Variants in TAFA1 observed in about 807,000 individuals in gnomAD.
TAFA1 encodes TAFA chemokine like family member 1, also known as chemokine-like protein TAFA-1.
A neutral mutation model predicts 18.5 loss-of-function variants in TAFA1; 4 were observed. The observed-to-expected ratio is 0.22, with a 90% confidence interval of 0.11 to 0.49. The LOEUF (loss-of-function observed/expected upper bound fraction) is 0.49, where lower values mean the gene tolerates loss of function less well. Ranked by LOEUF, TAFA1 falls within the 20% of genes least tolerant of loss-of-function variation. The pLI is 0.98. For synonymous variants in TAFA1, 56 were observed against 55.2 expected (o/e 1.01, Z -0.06); for missense variants, 147 against 169.0 (o/e 0.87, Z 0.72).
At chr3:68,195,446 G>A (rs1184340071) in intron 2 of TAFA1, among the ~76,000 whole-genome samples, 1 of 150,118 alleles carries the variant, frequency 6.7e-6, no homozygotes, top group African/African-American at 2.5e-5. Context: ...TCGACATTAT[G>A]ACCATTCTGT....
intron 3 of TAFA1, among the ~76,000 whole-genome samples, chr3:68,486,373 A>G (rs2072340328): frequency 6.6e-6 from 1 of 152,132 alleles, no homozygotes; most frequent in Admixed American, 6.5e-5. Context: ...CTGTGGTCTG[A>G]AACATGACCA....
chr3:68,540,242 A>G (rs1273889565), intron 4 of TAFA1, among the ~76,000 whole-genome samples: 1 of 152,144 alleles, frequency 6.6e-6, no homozygotes, highest in Non-Finnish European at 1.5e-5. Flanking sequence ...GTAAATGGCT[A>G]TACATTTCCG....
chr3:68,111,846 A>G (rs369466795), intron 2 of TAFA1, among the ~76,000 whole-genome samples: 23 of 152,114 alleles, frequency 1.5e-4, no homozygotes, highest in African/African-American at 5.3e-4. Context: ...TTGTTAGGAC[A>G]TTAGTAGTAT....
chr3:68,459,462 A>C (rs1259672577), intron 3 of TAFA1, among the ~76,000 whole-genome samples: 2 of 148,168 alleles, frequency 1.3e-5, no homozygotes, highest in African/African-American at 5.1e-5. Context: ...ATTTTAAAGA[A>C]ATGCTATTTT....
chr3:68,195,955 G>A (rs563872275), intron 2 of TAFA1, among the ~76,000 whole-genome samples: 1 of 151,600 alleles, frequency 6.6e-6, no homozygotes, highest in African/African-American at 2.4e-5. Flanking sequence ...CACTTATAAT[G>A]TACATATCTA....
intron 3 of TAFA1, among the ~76,000 whole-genome samples, chr3:68,448,588 T>C (rs1346754179): frequency 6.6e-6 from 1 of 152,064 alleles, no homozygotes. Flanking sequence ...AGTTAAAGGT[T>C]AATGGAAGGA....
intron 2 of TAFA1, among the ~76,000 whole-genome samples, chr3:68,089,813 T>G: frequency 6.6e-6 from 1 of 152,280 alleles, no homozygotes; most frequent in Middle Eastern, 3.4e-3. Flanking sequence ...GGGCTAGGTC[T>G]TGTTAGGAAT....
intron 3 of TAFA1, among the ~76,000 whole-genome samples, chr3:68,463,869 G>A (rs2071832748): frequency 6.6e-6 from 1 of 152,042 alleles, no homozygotes; most frequent in African/African-American, 2.4e-5. Flanking sequence ...CAGCCATCTT[G>A]AGTAAAATGG....
chr3:68,064,838 C>T (rs1428666068), intron 2 of TAFA1, among the ~76,000 whole-genome samples: 2 of 151,876 alleles, frequency 1.3e-5, no homozygotes, highest in Non-Finnish European at 2.9e-5. Flanking sequence ...GATGCAAGCT[C>T]TAGGAATCTT....
chr3:68,076,149 C>T (rs2106760509), intron 2 of TAFA1, among the ~76,000 whole-genome samples: 1 of 152,214 alleles, frequency 6.6e-6, no homozygotes, highest in African/African-American at 2.4e-5. Context: ...AATGGAAAGG[C>T]AAAGACCTGA....
intron 2 of TAFA1, among the ~76,000 whole-genome samples, chr3:68,011,296 T>G (rs1209152960): frequency 6.6e-6 from 1 of 152,144 alleles, no homozygotes; most frequent in Non-Finnish European, 1.5e-5. Flanking sequence ...TATTCCTGAG[T>G]CACTGCTATT....
At chr3:68,527,910 A>G (rs192392177) in intron 3 of TAFA1, among the ~76,000 whole-genome samples, 1 of 152,266 alleles carries the variant, frequency 6.6e-6, no homozygotes, top group Non-Finnish European at 1.5e-5. Context: ...TCACCAAGAT[A>G]AGATTGTCTG....
intron 2 of TAFA1, among the ~76,000 whole-genome samples, chr3:68,364,079 G>A (rs1017578728): frequency 7.9e-5 from 12 of 152,184 alleles, no homozygotes; most frequent in Non-Finnish European, 1.3e-4. Context: ...GAAAAAAGCT[G>A]AGAAATTTAC....
chr3:68,031,476 C>A (rs1704933968), intron 2 of TAFA1, among the ~76,000 whole-genome samples: 1 of 152,060 alleles, frequency 6.6e-6, no homozygotes, highest in Non-Finnish European at 1.5e-5. Context: ...TAATATAAGG[C>A]AAGAAGTATG....
rs529578589 is a variant in TAFA1, at chr3:68,272,666, A to G, written c.119-144614A>G. Among the ~76,000 whole-genome samples the G allele has an allele frequency of 1.2e-4, 19 of 152,262 alleles. No individual in the cohort carries two copies. The South Asian group carries it at 2.3e-3, about 18-fold the overall frequency. ...TCATCTGCCTGGGCGTAGTTTCCTC[A>G]TCTATGAAAGAAAATATTCAAATAG... On this transcript the variant is annotated intron_variant, in intron 2 of 4. Transcript: ENST00000478136.
chr3:68,357,628 A>C (rs1386264363), intron 2 of TAFA1, among the ~76,000 whole-genome samples: 4 of 151,872 alleles, frequency 2.6e-5, no homozygotes, highest in African/African-American at 9.7e-5. Flanking sequence ...TTAGCTGACA[A>C]GTGGTTAAAG....
intron 3 of TAFA1, among the ~76,000 whole-genome samples, chr3:68,453,316 A>C (rs1010690936): frequency 4.6e-5 from 7 of 152,166 alleles, no homozygotes; most frequent in Non-Finnish European, 8.8e-5. Flanking sequence ...CAATCAGAAA[A>C]TGCAGCATGT....
At chr3:68,314,794 A>G (rs2106689329) in intron 2 of TAFA1, among the ~76,000 whole-genome samples, 1 of 152,138 alleles carries the variant, frequency 6.6e-6, no homozygotes, top group South Asian at 2.1e-4. Context: ...CAGGACGAAA[A>G]AGATCATAAA....
chr3:68,339,617 C>T (rs1029205121), intron 2 of TAFA1, among the ~76,000 whole-genome samples: 2 of 152,182 alleles, frequency 1.3e-5, no homozygotes, highest in Non-Finnish European at 2.9e-5. Context: ...CTAGATAGAA[C>T]TACATTTTTG....
Sources: allele counts gnomAD v4.1 joint callset (sites outside exome capture counted in the v4.1 genomes callset), GRCh38; gene constraint gnomAD v4.1.1; transcripts MANE v1.5; gene names NCBI Gene and HGNC (gene_info 2026-07-23, HGNC 2026-07-21).